The following ZBTB41 variants were observed in gnomAD, a reference collection of about 807,000 sequenced individuals.
The protein encoded by ZBTB41 is zinc finger and BTB domain-containing protein 41.
A neutral mutation model predicts 87.6 loss-of-function variants in ZBTB41; 42 were observed. The observed-to-expected ratio is 0.48, with a 90% CI of 0.37 to 0.62. The LOEUF (loss-of-function observed/expected upper bound fraction) is 0.62, where lower values mean the gene tolerates loss of function less well. ZBTB41 is among the 20% of genes least tolerant of loss of function. The pLI is 0.00. For synonymous variants in ZBTB41, 364 were observed against 364.0 expected, an observed-to-expected ratio of 1.00 and a Z score of 0.00; for missense variants, 799 against 1,078.9, an observed-to-expected ratio of 0.74 and a Z score of 3.63.
At position 197,199,609 on chromosome 1, in the gene ZBTB41, T is replaced by C. The variant is rs751595183; in HGVS notation, c.865A>G (p.Lys289Glu). The C allele has an allele frequency of 6.2e-7, 1 of 1,610,674 alleles. No homozygotes were observed. The highest frequency in any genetic ancestry group is 8.5e-7 in the Non-Finnish European group (1 of 1,179,204). ...NLNQENFDKE[K>E]SDRNDSEDPG... ...TCCTCAGAATCATTTCTATCTGACT[T>C]TTCCTTATCAAAATTTTCTTGATTC... Residue 289 changes from lysine (K) to glutamate (E), a missense_variant, in exon 2 of 11, where the codon AAG (lysine) becomes GAG (glutamate). Lys to Glu is a moderately conservative substitution (Grantham distance 56, BLOSUM62 1). Transcript: ENST00000367405.
At position 197,191,831 on chromosome 1, in the gene ZBTB41, G is replaced by A. The variant is rs756494262; in HGVS notation, c.1189C>T (p.Arg397Cys). The change falls in exon 3 of 11, where the codon CGC (arginine) becomes TGC (cysteine). Residue 397 changes from arginine (R) to cysteine (C), a missense_variant. By Grantham distance (180) the Arg-to-Cys change is radical. Around this residue, in one of 5 missense-constraint regions of ZBTB41, gnomAD observed 294 missense variants for 340.1 expected, o/e 0.86. Coordinates refer to ENST00000367405, the MANE Select transcript of ZBTB41 (RefSeq NM_194314.3). The part of the protein sequence containing the change: ...KPFECDICHQ[R>C]YSTKSNLTVH... ...GTTAGGTTAGACTTTGTTGAATAGC[G>A]CTGGTGACAAATATCACACTCAAAG... 15 of 1,613,686 alleles carry A rather than the reference G, an allele frequency of 9.3e-6. No homozygotes were observed. Among genetic ancestry groups the A allele is most frequent in the Admixed American group, 6.7e-5 (4 of 59,992 alleles).
rs1258231842 is a variant in ZBTB41 at position 197,199,785 on chromosome 1, T to G, written c.689A>C (p.His230Pro). ...KSLENHLAKT[H>P]RSLLLGKKHG... The stretch of plus-strand genomic sequence containing the variant: ...TTTTTTCCCTAATAAAAGGGACCTA[T>G]GGGTTTTAGCCAAATGATTCTCTAA... The change falls in exon 2 of 11, where the codon CAT becomes CCT. Residue 230 changes from histidine (H) to proline (P), a missense_variant. Physicochemically the swap from His to Pro is moderately conservative, Grantham distance 77. Around this residue, in one of 5 missense-constraint regions of ZBTB41, gnomAD observed 294 missense variants for 340.1 expected, o/e 0.86. Coordinates refer to ENST00000367405, the MANE Select transcript of ZBTB41 (RefSeq NM_194314.3). The G allele has an allele frequency of 6.2e-7, 1 of 1,613,272 alleles. No individual in the cohort carries two copies. Among genetic ancestry groups the G allele is most frequent in the Non-Finnish European group, 8.5e-7 (1 of 1,179,706 alleles).
At position 197,157,913 on chromosome 1, in the gene ZBTB41, A is replaced by G. The variant is rs958791741; in HGVS notation, c.*1446T>C. ...CTAGACTTTACAGTTTACACACACA[A>G]AAAAAGTGCTTAAAGCAATTAGGAG... On this transcript the variant is annotated 3_prime_UTR_variant, in exon 11 of 11. Transcript: ENST00000367405. The G allele has an allele frequency of 2.1e-4, 1 of 4,722 alleles. No individual in the cohort carries two copies. The highest frequency in any genetic ancestry group is 5.6e-3 in the Admixed American group (1 of 180). 0.3% of individuals were successfully genotyped at this position (4,722 alleles called of 1,614,324 possible).
chr1:197,199,603 C>A lies in ZBTB41; in HGVS notation c.871G>T (p.Asp291Tyr), dbSNP rs1310258345. 1.2e-6 allele frequency: 2 copies of A among 1,609,262 alleles called. No homozygotes were observed. The highest frequency in any genetic ancestry group is 1.7e-6 in the Non-Finnish European group (2 of 1,178,872). ...CCAGGGTCCTCAGAATCATTTCTAT[C>A]TGACTTTTCCTTATCAAAATTTTCT... ...NQENFDKEKS[D>Y]RNDSEDPGSE... is the part of the protein sequence containing the mutation. The change falls in exon 2 of 11, where the codon GAT becomes TAT. Residue 291 changes from aspartate (D) to tyrosine (Y), a missense_variant. Physicochemically the swap from Asp to Tyr is radical, Grantham distance 160 (BLOSUM62 -3). Transcript: ENST00000367405.
At position 197,157,058 on chromosome 1, in the gene ZBTB41, C is replaced by T. The variant is rs1324994889; in HGVS notation, c.*2301G>A. 2.0e-5 allele frequency: 3 copies of T among 152,080 alleles called. No individual in the cohort carries two copies. Among genetic ancestry groups the T allele is most frequent in the Non-Finnish European group, 4.4e-5 (3 of 67,720 alleles). 9.4% of individuals were successfully genotyped at this position (152,080 alleles called of 1,614,324 possible). A position where few individuals can be genotyped will look rare whatever the true frequency, so the allele number is the denominator to read the frequency against. ...CATTTTATAAAACAGTAAATCACTA[C>T]TCAAGTTTAAGTTATCTACAATAGT... On this transcript the variant is annotated 3_prime_UTR_variant, in exon 11 of 11. Coordinates refer to ENST00000367405, the MANE Select transcript of ZBTB41 (RefSeq NM_194314.3).
chr1:197,181,208 C>T, intron 5 of ZBTB41, 91 bp from the exon 6 acceptor site: 3 of 1,175,394 alleles, frequency 2.6e-6, no homozygotes, highest in Non-Finnish European at 2.3e-6. Flanking sequence ...TCATGCCTAT[C>T]CTATTGGTGC....
At chr1:197,194,997 T>A (rs1013247400) in intron 2 of ZBTB41, among the ~76,000 whole-genome samples, 3 of 152,224 alleles carry the variant, frequency 2.0e-5, no homozygotes, top group African/African-American at 7.2e-5. Context: ...GTTTTTGTTT[T>A]GTTTCGTTTT....
chr1:197,162,879 A>G (rs1659234439), intron 10 of ZBTB41, among the ~76,000 whole-genome samples: 1 of 152,216 alleles, frequency 6.6e-6, no homozygotes. Flanking sequence ...TGGGACTACC[A>G]AAGAATTGAA....
In ZBTB41 at chr1:197,159,763, T is replaced by C; in HGVS notation, c.2326A>G (p.Ile776Val). 1 of 1,614,032 alleles carries C rather than the reference T, an allele frequency of 6.2e-7. No individual in the cohort carries two copies. Among genetic ancestry groups the C allele is most frequent in the Non-Finnish European group, 8.5e-7 (1 of 1,179,920 alleles). The part of the protein sequence containing the change: ...LPVEYSSDDK[I>V]FQTETKQYMD... ...TATTGTTTTGTTTCTGTTTGAAAGATTTTGTCATCAGATGAGTACTCAACT... is the reference window on the plus strand; with the variant it reads ...TATTGTTTTGTTTCTGTTTGAAAGACTTTGTCATCAGATGAGTACTCAACT... Residue 776 changes from isoleucine (I) to valine (V), a missense_variant, in exon 11 of 11, where the codon ATC becomes GTC. Transcript: ENST00000367405.
intron 10 of ZBTB41, among the ~76,000 whole-genome samples, chr1:197,162,617 T>C (rs1193660346): frequency 1.3e-5 from 2 of 152,174 alleles, no homozygotes; most frequent in Non-Finnish European, 2.9e-5. Context: ...ATCATGGCTC[T>C]TACTGATGAG....
chr1:197,185,274 C>G, intron 5 of ZBTB41, among the ~76,000 whole-genome samples: 1 of 151,920 alleles, frequency 6.6e-6, no homozygotes, highest in East Asian at 1.9e-4. Context: ...ATATTTTTAT[C>G]TAAGTTGTTA....
Position 197,178,411 on chromosome 1 carries a change from A to C in ZBTB41, c.1772+6T>G, listed in dbSNP as rs1055689969. On this transcript the variant is annotated splice_donor_region_variant and intron_variant, in intron 7 of 10. Transcript: ENST00000367405. ...CTTAATAAAGGGAAAAAATGGTTTTACTTACCTATACGAACTTCCATGACG... is the reference window on the plus strand; with the variant it reads ...CTTAATAAAGGGAAAAAATGGTTTTCCTTACCTATACGAACTTCCATGACG... 4 of 1,590,690 alleles carry C rather than the reference A, an allele frequency of 2.5e-6. No individual in the cohort carries two copies. The highest frequency in any genetic ancestry group is 3.4e-6 in the Non-Finnish European group (4 of 1,167,512).
intron 10 of ZBTB41, among the ~76,000 whole-genome samples, chr1:197,166,440 T>C (rs1659346007): frequency 1.3e-5 from 2 of 152,108 alleles, no homozygotes; most frequent in Admixed American, 6.5e-5. Flanking sequence ...ATTCTGCCAA[T>C]AGATTTCACA....
Position 197,157,758 on chromosome 1 carries a change from G to A in ZBTB41, c.*1601C>T, listed in dbSNP as rs1659103453. On this transcript the variant is annotated 3_prime_UTR_variant, in exon 11 of 11. Transcript: ENST00000367405. ...TTTGTTTTACCTCCGCTAGTATGGC[G>A]AATGTTGCTGTAAAGTACCTTTATT... The A allele has an allele frequency of 6.6e-6, 1 of 152,232 alleles. No individual in the cohort carries two copies. The highest frequency in any genetic ancestry group is 1.9e-4 in the East Asian group (1 of 5,200). 9.4% of individuals were successfully genotyped at this position (152,232 alleles called of 1,614,324 possible).
chr1:197,197,264 A>T (rs1660186156), intron 2 of ZBTB41, among the ~76,000 whole-genome samples: 1 of 152,058 alleles, frequency 6.6e-6, no homozygotes, highest in Admixed American at 6.6e-5. Flanking sequence ...ATTCCAAAAA[A>T]ACCAAGCAGT....
chr1:197,160,614 T>C (rs1482563305), intron 10 of ZBTB41, among the ~76,000 whole-genome samples: 1 of 152,152 alleles, frequency 6.6e-6, no homozygotes, highest in African/African-American at 2.4e-5. Flanking sequence ...TAGATCCCCC[T>C]GAGTCAGGTT....
At chr1:197,186,308 A>T (rs576890385) in intron 5 of ZBTB41, among the ~76,000 whole-genome samples, 118 of 151,984 alleles carry the variant, frequency 7.8e-4, no homozygotes, top group Admixed American at 5.9e-4. Context: ...CTAGACACAG[A>T]CCTTACATCC....
chr1:197,186,800 G>GTTGTGGTGAGTCAAGATCGCGCTA (rs1242137783), intron 5 of ZBTB41, among the ~76,000 whole-genome samples: 1 of 152,040 alleles, frequency 6.6e-6, no homozygotes, highest in Non-Finnish European at 1.5e-5. Flanking sequence ...GGAGGTGGAG[G>GTTGTGGTGAGTCAAGATCGCGCTA]TTGCAGTAAG....
intron 10 of ZBTB41, among the ~76,000 whole-genome samples, chr1:197,163,850 A>C (rs1257922438): frequency 6.6e-6 from 1 of 152,080 alleles, no homozygotes. Context: ...CCAAATGAAA[A>C]AAGCTGCTAA....
Sources: gnomAD v4.1 joint callset for allele counts (sites outside exome capture counted in the v4.1 genomes callset) on GRCh38, gnomAD v4.1.1 for gene constraint, gnomAD v4.1.1 regional missense constraint, MANE v1.5 for transcripts, NCBI Gene and HGNC (gene_info 2026-07-23, HGNC 2026-07-21) for gene names.